Variants in DLGAP1 observed in about 807,000 individuals in gnomAD.
DLGAP1 encodes disks large-associated protein 1.
Under a neutral mutation model 90.8 loss-of-function variants are expected in DLGAP1, and 11 were observed. The ratio of observed to expected loss-of-function variants is 0.12; its 90% CI spans 0.08 to 0.20. The LOEUF is 0.20. DLGAP1 is among the 10% of genes least tolerant of loss of function. The probability of loss-of-function intolerance (pLI) is 1.00; values close to 1 mark genes in which losing one functional copy is unlikely to be tolerated. For missense variants in DLGAP1, 1,050 were observed against 1,333.8 expected (o/e 0.79, Z 3.31); for synonymous variants, 558 against 540.7 (o/e 1.03, Z -0.44).
intron 1 of DLGAP1, among the ~76,000 whole-genome samples, chr18:4,199,865 G>A (rs1168018902): frequency 3.3e-5 from 5 of 152,146 alleles, no homozygotes; most frequent in Admixed American, 2.6e-4. Flanking sequence ...ACAGAAAATT[G>A]AGCAGCATAG....
intron 3 of DLGAP1, among the ~76,000 whole-genome samples, chr18:3,937,106 C>T (rs764802087): frequency 2.1e-4 from 32 of 152,180 alleles, no homozygotes; most frequent in Non-Finnish European, 3.8e-4. Context: ...ATAATGTACG[C>T]AGGAAGGGAG....
chr18:4,439,246 T>A (rs569477232), intron 1 of DLGAP1, among the ~76,000 whole-genome samples: 2 of 152,260 alleles, frequency 1.3e-5, no homozygotes, highest in African/African-American at 4.8e-5. Context: ...TATTAGTGAG[T>A]TCCAAGCCCT....
At chr18:4,227,194 C>T (rs1323817338) in intron 1 of DLGAP1, among the ~76,000 whole-genome samples, 1 of 151,816 alleles carries the variant, frequency 6.6e-6, no homozygotes, top group Non-Finnish European at 1.5e-5. Context: ...CATTAGAACA[C>T]CCTGATATTT....
At position 3,517,551 on chromosome 18, in the gene DLGAP1, C is replaced by T. The variant is rs1273984908; in HGVS notation, c.2480-8890G>A. Among the ~76,000 whole-genome samples the T allele has an allele frequency of 2.0e-5, 3 of 152,192 alleles. No homozygotes were observed. The highest frequency in any genetic ancestry group is 3.2e-3 in the Middle Eastern group (1 of 316). ...GAAGAGAGTTGGCCGGGCGCGGTGG[C>T]TCATGCCTGTAATCCCAGCACTTTG... is the stretch of plus-strand genomic sequence containing the variant. On this transcript the variant is annotated intron_variant, in intron 10 of 12. Coordinates refer to ENST00000315677, the MANE Select transcript of DLGAP1 (RefSeq NM_004746.4). The surrounding 1 kb of genome is among the most constrained non-coding windows in gnomAD (Gnocchi z 4.1).
chr18:3,786,560 T>C (rs2065460452), intron 5 of DLGAP1, among the ~76,000 whole-genome samples: 1 of 152,172 alleles, frequency 6.6e-6, no homozygotes. Flanking sequence ...CTATGGTGCG[T>C]GCCAGCATGG....
intron 1 of DLGAP1, among the ~76,000 whole-genome samples, chr18:4,313,943 T>C (rs2080463169): frequency 6.6e-6 from 1 of 152,152 alleles, no homozygotes; most frequent in African/African-American, 2.4e-5. Flanking sequence ...GCAGGTCATA[T>C]GGAGAACTAT....
At chr18:4,320,428 T>C (rs1041807480) in intron 1 of DLGAP1, among the ~76,000 whole-genome samples, 4 of 152,230 alleles carry the variant, frequency 2.6e-5, no homozygotes, top group Non-Finnish European at 4.4e-5. Flanking sequence ...TGTCATTGTC[T>C]CATGAGTTAT....
At chr18:3,549,644 C>G (rs1276755791) in intron 9 of DLGAP1, among the ~76,000 whole-genome samples, 3 of 151,998 alleles carry the variant, frequency 2.0e-5, no homozygotes, top group African/African-American at 2.4e-5. Context: ...TTTTCTTACA[C>G]ACACACATAC....
intron 1 of DLGAP1, among the ~76,000 whole-genome samples, chr18:4,242,871 A>G (rs1206828091): frequency 6.6e-6 from 1 of 152,142 alleles, no homozygotes; most frequent in Non-Finnish European, 1.5e-5. Context: ...CACATGTAAT[A>G]CCCATGATGA....
At chr18:3,571,982 A>G (rs181611491) in intron 8 of DLGAP1, among the ~76,000 whole-genome samples, 1 of 151,450 alleles carries the variant, frequency 6.6e-6, no homozygotes, top group East Asian at 1.9e-4. Context: ...TATTGATAAT[A>G]TATAGATAAG....
At chr18:3,858,840 A>G (rs912491777) in intron 4 of DLGAP1, among the ~76,000 whole-genome samples, 2 of 152,120 alleles carry the variant, frequency 1.3e-5, no homozygotes, top group Non-Finnish European at 2.9e-5. Context: ...AGAAAGGAAC[A>G]CTCCTTTTAG....
intron 1 of DLGAP1, among the ~76,000 whole-genome samples, chr18:4,205,242 C>A (rs1299798853): frequency 1.3e-5 from 2 of 152,054 alleles, no homozygotes; most frequent in East Asian, 1.9e-4. Flanking sequence ...TCAGAAAAAA[C>A]CACATACAAA....
At chr18:3,572,603 T>C (rs1445510072) in intron 8 of DLGAP1, among the ~76,000 whole-genome samples, 1 of 152,200 alleles carries the variant, frequency 6.6e-6, no homozygotes, top group Admixed American at 6.5e-5. Context: ...GCATGTGCCA[T>C]CATGCCTGGC....
intron 1 of DLGAP1, among the ~76,000 whole-genome samples, chr18:4,332,474 A>G: frequency 8.6e-6 from 1 of 115,628 alleles, no homozygotes; most frequent in Admixed American, 8.6e-5. Context: ...AAATTTAGTA[A>G]AATAAAAACA....
Position 3,879,166 on chromosome 18 carries a change from C to T in DLGAP1, c.903G>A (p.Gln301=). 1 of 1,517,790 alleles carries T rather than the reference C, an allele frequency of 6.6e-7. No homozygotes were observed. The highest frequency in any genetic ancestry group is 8.8e-7 in the Non-Finnish European group (1 of 1,133,592). 94.0% of individuals were successfully genotyped at this position (1,517,790 alleles called of 1,614,324 possible). A position where few individuals can be genotyped will look rare whatever the true frequency, so the allele number is the denominator to read the frequency against. Residue 301 remains glutamine, a synonymous_variant, in exon 4 of 13, where the codon CAG becomes CAA. Coordinates refer to ENST00000315677, the MANE Select transcript of DLGAP1 (RefSeq NM_004746.4). The surrounding 1 kb of genome is among the most constrained non-coding windows in gnomAD (Gnocchi z 6.6). Reference sequence around the variant, plus strand: ...GACACGACTCGGACTTCACCATGGCCTGGTCCATGTTCACCGAGGCCTTCT... The same window carrying T: ...GACACGACTCGGACTTCACCATGGCTTGGTCCATGTTCACCGAGGCCTTCT... ...VYQKASVNMD[Q]AMVKSESCQQ... is the part of the protein sequence containing the mutation.
chr18:4,320,971 A>G (rs572380705), intron 1 of DLGAP1, among the ~76,000 whole-genome samples: 1 of 152,318 alleles, frequency 6.6e-6, no homozygotes, highest in South Asian at 2.1e-4. Flanking sequence ...GGAAAAATAG[A>G]CATTTTTGAG....
chr18:3,853,071 T>G (rs2069433667), intron 4 of DLGAP1, among the ~76,000 whole-genome samples: 1 of 152,274 alleles, frequency 6.6e-6, no homozygotes, highest in African/African-American at 2.4e-5. Context: ...CGACAGGGAT[T>G]ACCTCTTCTT....
At chr18:3,761,853 C>T (rs2063981723) in intron 5 of DLGAP1, among the ~76,000 whole-genome samples, 1 of 152,198 alleles carries the variant, frequency 6.6e-6, no homozygotes, top group African/African-American at 2.4e-5. Context: ...GGATTACAGG[C>T]GTGAGCCACA....
At chr18:3,796,574 C>T (rs936898547) in intron 5 of DLGAP1, among the ~76,000 whole-genome samples, 4 of 152,126 alleles carry the variant, frequency 2.6e-5, no homozygotes, top group African/African-American at 4.8e-5. Context: ...AGGGAACATG[C>T]GCTGAGTGAC....
Sources: gnomAD v4.1 joint callset for allele counts (sites outside exome capture counted in the v4.1 genomes callset) on GRCh38, gnomAD v4.1.1 for gene constraint, Gnocchi (gnomAD v3.1) non-coding constraint, MANE v1.5 for transcripts, NCBI Gene and HGNC (gene_info 2026-07-23, HGNC 2026-07-21) for gene names.